RPS6KB1: variants seen among roughly 807,000 people sequenced by gnomAD.
The protein encoded by RPS6KB1 is ribosomal protein S6 kinase B1, also known as ribosomal protein S6 kinase beta-1.
RPS6KB1 carries 12 observed loss-of-function variants against 70.2 expected under a neutral mutation model. The observed-to-expected ratio is 0.17, with a 90% confidence interval of 0.11 to 0.28. RPS6KB1 has a LOEUF of 0.28. RPS6KB1 is among the 10% of genes least tolerant of loss of function. The probability of loss-of-function intolerance (pLI) is 1.00; values close to 1 mark genes in which losing one functional copy is unlikely to be tolerated. For synonymous variants in RPS6KB1, 175 were observed against 211.2 expected (o/e 0.83, Z 1.49); for missense variants, 270 against 646.6 (o/e 0.42, Z 6.32).
intron 5 of RPS6KB1, among the ~76,000 whole-genome samples, chr17:59,929,120 T>C (rs763052659): frequency 6.6e-6 from 1 of 151,932 alleles, no homozygotes; most frequent in Admixed American, 6.6e-5. Flanking sequence ...CAAGCTCTCA[T>C]GTTCAGTTTT....
chr17:59,938,411 TCTC>T (rs34010140), intron 12 of RPS6KB1, among the ~76,000 whole-genome samples: 21,400 of 151,728 alleles, frequency 0.14, 1,642 homozygotes, highest in Middle Eastern at 0.19. Flanking sequence ...ATTTTTTTTT[TCTC>T]CTGTTTGTAA....
chr17:59,923,756 C>T (rs1301000191), intron 4 of RPS6KB1, among the ~76,000 whole-genome samples: 1 of 152,070 alleles, frequency 6.6e-6, no homozygotes, highest in Non-Finnish European at 1.5e-5. Context: ...GATCTACCTG[C>T]CTCGGCCTCC....
At chr17:59,901,916 G>A (rs1410971945) in intron 1 of RPS6KB1, among the ~76,000 whole-genome samples, 1 of 150,902 alleles carries the variant, frequency 6.6e-6, no homozygotes, top group Non-Finnish European at 1.5e-5. Flanking sequence ...CTGCTTGGAA[G>A]GCTGAGGTTG....
rs879488247 is a variant in RPS6KB1, at chr17:59,933,202, C to CT, written c.689-954dup. Reference sequence around the variant, plus strand: ...TTCCAGATTATACTCCTCCACCCACCTTTTTTTTTTTTTTAAGGAGAAATG... The same window carrying CT: ...TTCCAGATTATACTCCTCCACCCACCTTTTTTTTTTTTTTTAAGGAGAAATG... On this transcript the variant is annotated intron_variant, in intron 7 of 14. Coordinates refer to ENST00000225577, the MANE Select transcript of RPS6KB1 (RefSeq NM_003161.4). Among the ~76,000 whole-genome samples the CT allele has an allele frequency of 5.5e-3, 772 of 141,520 alleles. 6 individuals are homozygous for CT. Among genetic ancestry groups the CT allele is most frequent in the African/African-American group, 0.011 (432 of 38,926 alleles). The allele number at this position is 141,520 out of a possible 152,430, so 92.8% of individuals were successfully genotyped here. A position where few individuals can be genotyped will look rare whatever the true frequency, so the allele number is the denominator to read the frequency against.
intron 13 of RPS6KB1, among the ~76,000 whole-genome samples, chr17:59,943,946 A>G (rs2044772342): frequency 6.7e-6 from 1 of 149,654 alleles, no homozygotes; most frequent in African/African-American, 2.5e-5. Flanking sequence ...ACACACACAT[A>G]TAGTGACATC....
At chr17:59,900,981 G>A (rs2041901645) in intron 1 of RPS6KB1, among the ~76,000 whole-genome samples, 1 of 151,466 alleles carries the variant, frequency 6.6e-6, no homozygotes, top group African/African-American at 2.4e-5. Context: ...GGCCAACATG[G>A]TAAAATCCTG....
At chr17:59,901,976 C>T (rs938928785) in intron 1 of RPS6KB1, among the ~76,000 whole-genome samples, 8 of 141,762 alleles carry the variant, frequency 5.6e-5, no homozygotes, top group African/African-American at 2.1e-4. Flanking sequence ...CCTGCCACTG[C>T]ACTTCAACCT....
At chr17:59,905,912 T>TC (rs2042238546) in intron 1 of RPS6KB1, among the ~76,000 whole-genome samples, 1 of 151,976 alleles carries the variant, frequency 6.6e-6, no homozygotes, top group East Asian at 1.9e-4. Flanking sequence ...TGCCTCAGCC[T>TC]CCTCGATAGC....
intron 4 of RPS6KB1, among the ~76,000 whole-genome samples, chr17:59,924,741 A>G (rs1431844276): frequency 1.3e-5 from 2 of 151,842 alleles, no homozygotes; most frequent in Admixed American, 1.3e-4. Context: ...AAGATAGCAT[A>G]GTATCCATGC....
chr17:59,900,998 C>T (rs1192372547), intron 1 of RPS6KB1, among the ~76,000 whole-genome samples: 2 of 151,586 alleles, frequency 1.3e-5, no homozygotes, highest in Non-Finnish European at 2.9e-5. Context: ...CCTGTCTCTA[C>T]TAATAATACA....
rs866259563 is a variant in RPS6KB1 at position 59,901,638 on chromosome 17, A to G, written c.141+8313A>G. Among the ~76,000 whole-genome samples the G allele has an allele frequency of 2.9e-4, 44 of 149,616 alleles. 1 individual carries two copies. Among genetic ancestry groups the G allele is most frequent in the African/African-American group, 8.4e-4 (34 of 40,528 alleles). On this transcript the variant is annotated intron_variant, in intron 1 of 14. Coordinates refer to ENST00000225577, the MANE Select transcript of RPS6KB1 (RefSeq NM_003161.4). The stretch of plus-strand genomic sequence containing the variant: ...CACCCTGTCTCTGAAAAAAAAAAAA[A>G]AAAAAAAAGAAAAAAAAAGAAACAG...
intron 5 of RPS6KB1, among the ~76,000 whole-genome samples, chr17:59,928,538 T>G (rs2043758100): frequency 6.6e-6 from 1 of 151,976 alleles, no homozygotes; most frequent in Admixed American, 6.6e-5. Context: ...TTAGTAGAAA[T>G]GGGGTTTCAC....
intron 1 of RPS6KB1, 59 bp from the exon 2 acceptor site, chr17:59,910,503 T>G: frequency 9.1e-7 from 1 of 1,094,022 alleles, no homozygotes; most frequent in Non-Finnish European, 1.4e-6. Flanking sequence ...GACAAAGAAT[T>G]AAACCTTTAA....
intron 4 of RPS6KB1, among the ~76,000 whole-genome samples, chr17:59,925,685 C>T (rs2043563742): frequency 6.6e-6 from 1 of 152,214 alleles, no homozygotes; most frequent in Non-Finnish European, 1.5e-5. Flanking sequence ...GCCTACTTCT[C>T]TAGCCTAATC....
intron 1 of RPS6KB1, among the ~76,000 whole-genome samples, chr17:59,899,288 GT>G (rs1378391005): frequency 6.6e-6 from 1 of 151,908 alleles, no homozygotes; most frequent in Admixed American, 6.6e-5. Context: ...GACACTTCTT[GT>G]GTGAGCCTTC....
At chr17:59,914,501 C>G (rs2042828380) in intron 3 of RPS6KB1, 134 bp from the exon 4 acceptor site, 1 of 723,760 alleles carries the variant, frequency 1.4e-6, no homozygotes. Flanking sequence ...GTGGTCTGTT[C>G]TTTTAGCTGA....
intron 5 of RPS6KB1, among the ~76,000 whole-genome samples, chr17:59,927,585 CA>C (rs1407229999): frequency 6.7e-6 from 1 of 150,350 alleles, no homozygotes; most frequent in African/African-American, 2.4e-5. Flanking sequence ...CGGCTCACTG[CA>C]ACTTCCGCCT....
Position 59,947,918 on chromosome 17 carries a change from C to T in RPS6KB1, c.*1130C>T. The T allele has an allele frequency of 3.2e-6, 1 of 308,224 alleles. No homozygotes were observed. The highest frequency in any genetic ancestry group is 5.9e-6 in the Non-Finnish European group (1 of 168,340). The allele number at this position is 308,224 out of a possible 1,614,324, so 19.1% of individuals were successfully genotyped here. A position where few individuals can be genotyped will look rare whatever the true frequency, so the allele number is the denominator to read the frequency against. ...GTTTTACTTCTTTCTACTGTTTCTG[C>T]TGTCTACCTTCCTTATATTTTTTTC... On this transcript the variant is annotated 3_prime_UTR_variant, in exon 15 of 15. Transcript: ENST00000225577.
intron 7 of RPS6KB1, among the ~76,000 whole-genome samples, chr17:59,932,339 G>T (rs1168580255): frequency 2.0e-5 from 3 of 152,116 alleles, no homozygotes; most frequent in South Asian, 2.1e-4. Flanking sequence ...CTGAACCCAG[G>T]AGGCGAAAGT....
Sources: allele counts gnomAD v4.1 joint callset (sites outside exome capture counted in the v4.1 genomes callset), GRCh38; gene constraint gnomAD v4.1.1; transcripts MANE v1.5; gene names NCBI Gene and HGNC (gene_info 2026-07-23, HGNC 2026-07-21).